FBXL17: variants seen among roughly 807,000 people sequenced by gnomAD.
FBXL17 encodes the protein F-box/LRR-repeat protein 17.
FBXL17 carries 22 observed loss-of-function variants against 66.2 expected under a neutral mutation model. The ratio of observed to expected loss-of-function variants is 0.33; its 90% CI spans 0.24 to 0.47. The LOEUF (loss-of-function observed/expected upper bound fraction) is 0.47. Among genes scored for constraint, FBXL17 ranks in the 20% least tolerant of loss-of-function variants. The probability of loss-of-function intolerance (pLI) is 1.00; values close to 1 mark genes in which losing one functional copy is unlikely to be tolerated. For missense variants in FBXL17, 878 were observed against 948.2 expected (o/e 0.93, Z 0.97); for synonymous variants, 474 against 400.5 (o/e 1.18, Z -2.19).
chr5:107,888,719 T>C (rs1437608358), intron 7 of FBXL17, among the ~76,000 whole-genome samples: 2 of 152,228 alleles, frequency 1.3e-5, no homozygotes, highest in Non-Finnish European at 2.9e-5. Flanking sequence ...CTCAATGCTG[T>C]ATAATGTTTC....
chr5:108,381,101 G>C lies in FBXL17; in HGVS notation c.591C>G (p.Cys197Trp). ...CGGGGACCCCGGCCCCCTTCCGCTT[G>C]CACACCATTTCGGGGGGCGTAGGGA... ...AELPTPPEMVCKRKGAGVPAC... is the reference protein window; with the variant it reads ...AELPTPPEMVWKRKGAGVPAC... The change falls in exon 1 of 9, where the codon TGC becomes TGG. Residue 197 changes from cysteine (C) to tryptophan (W), a missense_variant. Cys to Trp is a radical substitution (Grantham distance 215, BLOSUM62 -2). Around this residue, in one of 4 missense-constraint regions of FBXL17, gnomAD observed 605 missense variants for 509.5 expected, o/e 1.19. Coordinates refer to ENST00000542267, the MANE Select transcript of FBXL17 (RefSeq NM_001163315.3). 2 of 1,291,334 alleles carry C rather than the reference G, an allele frequency of 1.5e-6. No individual in the cohort carries two copies. 80.0% of individuals were successfully genotyped at this position (1,291,334 alleles called of 1,614,324 possible). A position where few individuals can be genotyped will look rare whatever the true frequency, so the allele number is the denominator to read the frequency against.
intron 4 of FBXL17, among the ~76,000 whole-genome samples, chr5:108,233,009 C>T (rs928730644): frequency 6.6e-6 from 1 of 151,418 alleles, no homozygotes; most frequent in Non-Finnish European, 1.5e-5. Flanking sequence ...ATTGTATGGA[C>T]ATATATTTTC....
At chr5:108,183,087 C>A (rs1409336865) in intron 6 of FBXL17, among the ~76,000 whole-genome samples, 1 of 133,120 alleles carries the variant, frequency 7.5e-6, no homozygotes, top group Admixed American at 8.5e-5. Context: ...GTCGCCCAGG[C>A]TGGAGTACAA....
chr5:108,146,978 T>A (rs1038724756), intron 6 of FBXL17, among the ~76,000 whole-genome samples: 1 of 152,182 alleles, frequency 6.6e-6, no homozygotes, highest in African/African-American at 2.4e-5. Flanking sequence ...AGATTCAACA[T>A]CTGATGAAGG....
chr5:107,944,770 T>A (rs990217468), intron 7 of FBXL17, among the ~76,000 whole-genome samples: 70 of 152,260 alleles, frequency 4.6e-4, no homozygotes, highest in African/African-American at 1.6e-3. Context: ...TATATCCAAT[T>A]TTTTAAAAGA....
chr5:107,957,833 A>C (rs1276123535), intron 7 of FBXL17, among the ~76,000 whole-genome samples: 1 of 152,204 alleles, frequency 6.6e-6, no homozygotes, highest in Non-Finnish European at 1.5e-5. Flanking sequence ...ATTGAGGAAG[A>C]AAACAAAAAT....
intron 6 of FBXL17, among the ~76,000 whole-genome samples, chr5:108,129,604 T>C (rs1275238023): frequency 2.6e-4 from 39 of 152,024 alleles, no homozygotes; most frequent in Non-Finnish European, 2.9e-5. Context: ...TTGAATAACA[T>C]TACTTATTTA....
intron 4 of FBXL17, among the ~76,000 whole-genome samples, chr5:108,271,116 A>G (rs1757251214): frequency 6.6e-6 from 1 of 151,994 alleles, no homozygotes; most frequent in South Asian, 2.1e-4. Flanking sequence ...GCAACAGAAG[A>G]GAATATGATT....
chr5:108,032,162 C>A (rs1746666505), intron 6 of FBXL17, among the ~76,000 whole-genome samples: 1 of 152,130 alleles, frequency 6.6e-6, no homozygotes, highest in Non-Finnish European at 1.5e-5. Context: ...AGGTACATTT[C>A]TCAGAAAACT....
chr5:108,211,057 T>C (rs569243855), intron 5 of FBXL17, among the ~76,000 whole-genome samples: 1 of 152,340 alleles, frequency 6.6e-6, no homozygotes, highest in South Asian at 2.1e-4. Flanking sequence ...CCCTTTACCA[T>C]TATGCAATGC....
At chr5:108,010,806 T>C (rs940950111) in intron 7 of FBXL17, among the ~76,000 whole-genome samples, 7 of 152,188 alleles carry the variant, frequency 4.6e-5, no homozygotes, top group African/African-American at 1.4e-4. Context: ...TTTAAAATGA[T>C]AATTAAACAA....
At chr5:107,895,043 T>C (rs1044556825) in intron 7 of FBXL17, among the ~76,000 whole-genome samples, 70 of 152,226 alleles carry the variant, frequency 4.6e-4, no homozygotes, top group African/African-American at 1.6e-3. Context: ...GCAATATTAT[T>C]ATTTTTATAT....
At position 108,011,218 on chromosome 5, in the gene FBXL17, C is replaced by T. The variant is rs545172570; in HGVS notation, c.1822+9707G>A. ...CATTAGTAGGCTAATTAGTAAGTAGCGAAGTAGATCTAGTCCAACATCAGC... is the reference window on the plus strand; with the variant it reads ...CATTAGTAGGCTAATTAGTAAGTAGTGAAGTAGATCTAGTCCAACATCAGC... On this transcript the variant is annotated intron_variant, in intron 7 of 8. Transcript: ENST00000542267. 3.3e-5 allele frequency among the ~76,000 whole-genome samples: 5 copies of T among 152,208 alleles called. No homozygotes were observed. In the East Asian group the frequency reaches 9.6e-4, roughly 29 times the overall value.
chr5:108,359,728 G>T (rs1267690587), intron 3 of FBXL17, among the ~76,000 whole-genome samples: 1 of 152,032 alleles, frequency 6.6e-6, no homozygotes, highest in African/African-American at 2.4e-5. Context: ...TGGTCTATCT[G>T]TGAGACTGTT....
chr5:108,069,217 C>T (rs1748234504), intron 6 of FBXL17, among the ~76,000 whole-genome samples: 2 of 152,142 alleles, frequency 1.3e-5, no homozygotes, highest in Non-Finnish European at 2.9e-5. Context: ...TGAATCTTGT[C>T]AACTGAAACC....
intron 4 of FBXL17, among the ~76,000 whole-genome samples, chr5:108,252,400 G>A (rs899150337): frequency 2.0e-5 from 3 of 151,838 alleles, no homozygotes; most frequent in Non-Finnish European, 2.9e-5. Context: ...AACATCATTC[G>A]TACAAAATTA....
At chr5:107,965,936 G>C (rs1752121495) in intron 7 of FBXL17, among the ~76,000 whole-genome samples, 2 of 152,140 alleles carry the variant, frequency 1.3e-5, no homozygotes, top group South Asian at 4.1e-4. Context: ...AAAAAATCAA[G>C]AGTCTAGTGA....
intron 7 of FBXL17, among the ~76,000 whole-genome samples, chr5:107,890,304 A>G (rs1749154261): frequency 1.3e-5 from 2 of 151,458 alleles, no homozygotes; most frequent in Non-Finnish European, 2.9e-5. Context: ...CCCTAAACTG[A>G]GTTTTTCAGA....
At chr5:108,311,158 CTTT>C (rs1354252052) in intron 4 of FBXL17, among the ~76,000 whole-genome samples, 1 of 151,794 alleles carries the variant, frequency 6.6e-6, no homozygotes, top group Admixed American at 6.6e-5. Flanking sequence ...TCTCACCTAC[CTTT>C]TTTTATTTTT....
Sources: gnomAD v4.1 joint callset for allele counts (sites outside exome capture counted in the v4.1 genomes callset) on GRCh38, gnomAD v4.1.1 for gene constraint, gnomAD v4.1.1 regional missense constraint, MANE v1.5 for transcripts, NCBI Gene and HGNC (gene_info 2026-07-23, HGNC 2026-07-21) for gene names.